Variants in PTK2 observed in about 807,000 individuals in gnomAD.
PTK2 encodes focal adhesion kinase 1.
PTK2 carries 45 observed loss-of-function variants against 150.1 expected under a neutral mutation model. The observed-to-expected ratio is 0.30, with a 90% confidence interval of 0.24 to 0.38. The LOEUF is 0.38. Ranked by LOEUF, PTK2 falls within the 10% of genes least tolerant of loss-of-function variation. The pLI is 1.00. For missense variants in PTK2, 919 were observed against 1,307.3 expected (o/e 0.70, Z 4.58); for synonymous variants, 432 against 449.2 (o/e 0.96, Z 0.48).
At chr8:140,955,371 G>A (rs772033486) in intron 1 of PTK2, among the ~76,000 whole-genome samples, 14 of 152,276 alleles carry the variant, frequency 9.2e-5, no homozygotes, top group South Asian at 2.1e-4. Flanking sequence ...GCCTGCTGCC[G>A]TGTGTAAGAT....
At chr8:140,746,831 T>A (rs562435589) in exon 18 of PTK2, 1 of 1,612,676 alleles carries the variant, frequency 6.2e-7, no homozygotes, top group South Asian at 1.1e-5. Flanking sequence ...AGCTTCACAA[T>A]ATGAGGATGG....
At chr8:140,938,421 C>T (rs2100174460) in intron 1 of PTK2, among the ~76,000 whole-genome samples, 1 of 152,222 alleles carries the variant, frequency 6.6e-6, no homozygotes, top group Non-Finnish European at 1.5e-5. Context: ...AATCCCCTTG[C>T]TGCAGACATA....
At chr8:140,807,741 G>A (rs548790907) in intron 10 of PTK2, among the ~76,000 whole-genome samples, 1 of 152,286 alleles carries the variant, frequency 6.6e-6, no homozygotes, top group East Asian at 1.9e-4. Context: ...GGATATACTG[G>A]ATCAAATAAA....
At chr8:140,723,111 T>C (rs186436857) in intron 22 of PTK2, among the ~76,000 whole-genome samples, 27 of 152,286 alleles carry the variant, frequency 1.8e-4, no homozygotes, top group Admixed American at 3.3e-4. Flanking sequence ...ACTTCCCCTA[T>C]TCTCTGACCC....
chr8:140,989,238 A>AATT (rs1384874044), intron 1 of PTK2, among the ~76,000 whole-genome samples: 2 of 149,888 alleles, frequency 1.3e-5, no homozygotes, highest in Admixed American at 1.3e-4. Context: ...AAAAAAAAAA[A>AATT]AATTTAAAAT....
chr8:140,746,986 G>A (rs1196823333), intron 17 of PTK2, 126 bp from the exon 21 acceptor site: 2 of 626,234 alleles, frequency 3.2e-6, no homozygotes, highest in African/African-American at 3.8e-5. Flanking sequence ...CACCTCCTGG[G>A]TTCAAGTGAT....
intron 1 of PTK2, among the ~76,000 whole-genome samples, chr8:140,960,912 G>A (rs572504672): frequency 5.3e-4 from 80 of 152,186 alleles, no homozygotes; most frequent in African/African-American, 1.9e-3. Context: ...CCTGGGAGGC[G>A]GAGGTTGCAG....
intron 14 of PTK2, among the ~76,000 whole-genome samples, chr8:140,770,413 G>A (rs1169326594): frequency 6.6e-6 from 1 of 152,146 alleles, no homozygotes; most frequent in African/African-American, 2.4e-5. Context: ...GCTGACCTCT[G>A]TGGGAAAACA....
At chr8:141,001,542 C>T (rs1343401921), upstream of PTK2, among the ~76,000 whole-genome samples, 3 of 152,112 alleles carry the variant, frequency 2.0e-5, no homozygotes, top group African/African-American at 7.2e-5. Flanking sequence ...GCCCTGGTCT[C>T]GGGGGTGGCC....
intron 27 of PTK2, among the ~76,000 whole-genome samples, chr8:140,684,030 G>C (rs1362298921): frequency 6.6e-6 from 1 of 152,132 alleles, no homozygotes; most frequent in Admixed American, 6.6e-5. Flanking sequence ...GCAAAACAAA[G>C]AAATAAAAGG....
At chr8:140,686,722 A>T in intron 26 of PTK2, 28 bp from the exon 30 acceptor site, 2 of 1,589,622 alleles carry the variant, frequency 1.3e-6, no homozygotes, top group Middle Eastern at 1.7e-4. Flanking sequence ...AAATCAAAAC[A>T]ATTTCATTTT....
chr8:140,883,193 G>T (rs2100150212), intron 3 of PTK2, among the ~76,000 whole-genome samples: 1 of 152,092 alleles, frequency 6.6e-6, no homozygotes, highest in African/African-American at 2.4e-5. Flanking sequence ...TTCATAAACT[G>T]TTCATTCATT....
At chr8:140,766,652 C>T (rs540385428) in intron 14 of PTK2, among the ~76,000 whole-genome samples, 7 of 152,216 alleles carry the variant, frequency 4.6e-5, no homozygotes, top group Admixed American at 1.3e-4. Context: ...ACATGCTAAA[C>T]CAAAAGAATG....
At chr8:140,815,273 C>T (rs1375877463) in intron 10 of PTK2, among the ~76,000 whole-genome samples, 1 of 150,980 alleles carries the variant, frequency 6.6e-6, no homozygotes, top group Non-Finnish European at 1.5e-5. Context: ...ATGGATGGAG[C>T]TGGAGGCCAT....
intron 22 of PTK2, among the ~76,000 whole-genome samples, chr8:140,727,774 T>C (rs1263305748): frequency 1.3e-5 from 2 of 152,190 alleles, no homozygotes; most frequent in East Asian, 3.8e-4. Context: ...ATGTGCTTGG[T>C]ATTTTGATAA....
chr8:140,759,445 G>A (rs933340388), intron 16 of PTK2, among the ~76,000 whole-genome samples: 2 of 146,018 alleles, frequency 1.4e-5, no homozygotes, highest in Non-Finnish European at 3.0e-5. Context: ...GAGGTGGGAG[G>A]ACCACTTGAG....
At chr8:140,816,916 G>A (rs2100105036) in intron 10 of PTK2, among the ~76,000 whole-genome samples, 1 of 152,114 alleles carries the variant, frequency 6.6e-6, no homozygotes, top group Non-Finnish European at 1.5e-5. Flanking sequence ...ACAACTATTT[G>A]AAACGAACCC....
intron 1 of PTK2, 180 bp downstream of exon 1, chr8:141,000,945 C>T (rs2100199994): frequency 6.6e-6 from 1 of 152,036 alleles, no homozygotes; most frequent in South Asian, 2.1e-4. Context: ...CTCCCCTCCT[C>T]CCAGAACCCG....
intron 3 of PTK2, among the ~76,000 whole-genome samples, chr8:140,885,367 G>A (rs771694257): frequency 1.3e-5 from 2 of 152,112 alleles, no homozygotes; most frequent in East Asian, 3.9e-4. Context: ...CTGAGCACTT[G>A]GCTGTTTGCC....
Sources: gnomAD v4.1 joint callset for allele counts (sites outside exome capture counted in the v4.1 genomes callset) on GRCh38, gnomAD v4.1.1 for gene constraint, MANE v1.5 for transcripts, NCBI Gene and HGNC (gene_info 2026-07-23, HGNC 2026-07-21) for gene names.